The following CPLX4 variants were observed in gnomAD, a reference collection of about 807,000 sequenced individuals.
The protein encoded by CPLX4 is complexin 4.
CPLX4 carries 17 observed loss-of-function variants against 16.1 expected under a neutral mutation model. The observed-to-expected ratio is 1.06, with a 90% confidence interval of 0.72 to 1.59. The LOEUF is 1.59. Ranked by LOEUF, CPLX4 falls within the 40% of genes most tolerant of loss-of-function variation. The pLI is 0.00. For synonymous variants in CPLX4, 55 were observed against 57.8 expected (o/e 0.95, Z 0.22); for missense variants, 193 against 192.9 (o/e 1.00, Z 0.00).
chr18:59,307,554 G>A (rs2070585188), intron 2 of CPLX4, among the ~76,000 whole-genome samples: 1 of 152,138 alleles, frequency 6.6e-6, no homozygotes, highest in Non-Finnish European at 1.5e-5. Context: ...CCTGGCCTCA[G>A]TAAGAGCCAG....
chr18:59,302,408 G>A (rs1026898104), intron 2 of CPLX4, among the ~76,000 whole-genome samples: 8 of 152,246 alleles, frequency 5.3e-5, no homozygotes, highest in African/African-American at 1.9e-4. Context: ...GCTCAAGGAT[G>A]AGAACCGTGG....
chr18:59,303,502 A>G (rs1314073147), intron 2 of CPLX4, among the ~76,000 whole-genome samples: 1 of 152,154 alleles, frequency 6.6e-6, no homozygotes, highest in Non-Finnish European at 1.5e-5. Flanking sequence ...TCTGCTTTTT[A>G]GGGGATGAGA....
intron 2 of CPLX4, among the ~76,000 whole-genome samples, chr18:59,311,260 G>T (rs2070615198): frequency 6.6e-6 from 1 of 152,130 alleles, no homozygotes; most frequent in Non-Finnish European, 1.5e-5. Flanking sequence ...CGGGGCTGGG[G>T]GTAGGAAAAG....
chr18:59,306,497 T>C (rs2070577616), intron 2 of CPLX4, among the ~76,000 whole-genome samples: 1 of 152,224 alleles, frequency 6.6e-6, no homozygotes, highest in African/African-American at 2.4e-5. Context: ...GTATAGCAAA[T>C]AGTATTGTCA....
Position 59,296,670 on chromosome 18 carries a change from G to T in CPLX4, c.*28C>A, listed in dbSNP as rs9954747. 11,894 of 1,593,594 alleles carry T rather than the reference G, an allele frequency of 7.5e-3. 719 individuals are homozygous for T. In the African/African-American group the frequency reaches 0.14, roughly 18 times the overall value. On this transcript the variant is annotated 3_prime_UTR_variant, in exon 3 of 3. Coordinates refer to ENST00000299721, the MANE Select transcript of CPLX4 (RefSeq NM_181654.4). Reference sequence around the variant, plus strand: ...AGAGTGGTCTTTTCCAAGGATGGCTGGTTCCCTCCCTCCACCCCTCCCACC... The same window carrying T: ...AGAGTGGTCTTTTCCAAGGATGGCTTGTTCCCTCCCTCCACCCCTCCCACC...
chr18:59,297,412 G>A (rs919665474), intron 2 of CPLX4, among the ~76,000 whole-genome samples: 2 of 151,866 alleles, frequency 1.3e-5, no homozygotes, highest in Non-Finnish European at 2.9e-5. Context: ...TCAGTAGCTG[G>A]GATTACAGGT....
chr18:59,314,218 G>C (rs1255256185), intron 1 of CPLX4, among the ~76,000 whole-genome samples: 1 of 152,104 alleles, frequency 6.6e-6, no homozygotes, highest in African/African-American at 2.4e-5. Flanking sequence ...GGAGATTAGC[G>C]ACCTGCGGCA....
chr18:59,306,412 C>A (rs2070577103), intron 2 of CPLX4, among the ~76,000 whole-genome samples: 1 of 152,228 alleles, frequency 6.6e-6, no homozygotes, highest in Non-Finnish European at 1.5e-5. Context: ...CTGCAGATTA[C>A]TGCAATTTGA....
intron 1 of CPLX4, among the ~76,000 whole-genome samples, chr18:59,315,187 T>G (rs993654740): frequency 2.0e-5 from 3 of 152,218 alleles, no homozygotes; most frequent in African/African-American, 7.2e-5. Context: ...TATTTAACAT[T>G]TTTTGTCTTT....
At chr18:59,307,657 G>T (rs1009383576) in intron 2 of CPLX4, among the ~76,000 whole-genome samples, 1 of 152,054 alleles carries the variant, frequency 6.6e-6, no homozygotes, top group African/African-American at 2.4e-5. Flanking sequence ...TAGTGACCCA[G>T]ATGGGCACTG....
chr18:59,305,327 G>A (rs1306983509), intron 2 of CPLX4, among the ~76,000 whole-genome samples: 2 of 151,246 alleles, frequency 1.3e-5, no homozygotes, highest in Admixed American at 6.6e-5. Context: ...CAAGGAGTTC[G>A]GATTTTATTC....
chr18:59,298,320 A>T (rs1284399734), intron 2 of CPLX4, among the ~76,000 whole-genome samples: 3 of 152,162 alleles, frequency 2.0e-5, no homozygotes, highest in Non-Finnish European at 2.9e-5. Context: ...TCTAAAGAAA[A>T]ATATTCTCTG....
chr18:59,312,901 G>T, intron 1 of CPLX4, 129 bp from the exon 2 acceptor site: 1 of 517,054 alleles, frequency 1.9e-6, no homozygotes, highest in Non-Finnish European at 3.4e-6. Flanking sequence ...TGGGAACTAT[G>T]GGATTTTTTT....
intron 2 of CPLX4, among the ~76,000 whole-genome samples, chr18:59,303,968 C>T (rs1441661395): frequency 6.6e-6 from 1 of 152,174 alleles, no homozygotes; most frequent in African/African-American, 2.4e-5. Context: ...TGTCTCAGAC[C>T]CTGCTGGGCA....
At chr18:59,311,271 C>G (rs1284068373) in intron 2 of CPLX4, among the ~76,000 whole-genome samples, 1 of 152,130 alleles carries the variant, frequency 6.6e-6, no homozygotes, top group Non-Finnish European at 1.5e-5. Context: ...GTAGGAAAAG[C>G]AAGGCATTCT....
chr18:59,307,205 C>A (rs913575355), intron 2 of CPLX4, among the ~76,000 whole-genome samples: 7 of 152,140 alleles, frequency 4.6e-5, no homozygotes, highest in African/African-American at 1.7e-4. Flanking sequence ...GCTTTGTGAC[C>A]TTCGGAACGT....
intron 1 of CPLX4, among the ~76,000 whole-genome samples, chr18:59,315,660 T>C (rs1046178489): frequency 2.0e-5 from 3 of 152,228 alleles, no homozygotes; most frequent in Admixed American, 1.3e-4. Context: ...AAAAGCTTTA[T>C]AATTTTGGCT....
chr18:59,312,756 C>A lies in CPLX4; in HGVS notation c.184G>T (p.Ala62Ser), dbSNP rs112941151. 2.2e-5 allele frequency: 30 copies of A among 1,393,768 alleles called. No homozygotes were observed. The African/African-American group carries it at 2.7e-4, about 12-fold the overall frequency. The allele number at this position is 1,393,768 out of a possible 1,614,324, so 86.3% of individuals were successfully genotyped here. The change falls in exon 2 of 3, where the codon GCA becomes TCA. Residue 62 changes from alanine to serine, a missense_variant. Ala to Ser is a moderately conservative substitution (Grantham distance 99). Transcript: ENST00000299721. ...MIEEKMERDA[A>S]FTQKKAERAC... Reference sequence around the variant, plus strand: ...CTTTCTGCCTTTTTCTGTGTAAATGCAGCATCTCTTTCCATCCTAAAAGTT... The same window carrying A: ...CTTTCTGCCTTTTTCTGTGTAAATGAAGCATCTCTTTCCATCCTAAAAGTT...
At chr18:59,310,286 CAG>C (rs1318477206) in intron 2 of CPLX4, among the ~76,000 whole-genome samples, 7 of 152,274 alleles carry the variant, frequency 4.6e-5, no homozygotes, top group South Asian at 4.1e-4. Flanking sequence ...AATCATTCTC[CAG>C]AGAGGACCTG....
Sources: gnomAD v4.1 joint callset for allele counts (sites outside exome capture counted in the v4.1 genomes callset) on GRCh38, gnomAD v4.1.1 for gene constraint, MANE v1.5 for transcripts, NCBI Gene and HGNC (gene_info 2026-07-23, HGNC 2026-07-21) for gene names.